Variants in SPCS1 observed in about 807,000 individuals in gnomAD.
SPCS1 encodes the protein signal peptidase complex subunit 1, also known as SPase 12 kDa subunit.
A neutral mutation model predicts 16.4 loss-of-function variants in SPCS1; 10 were observed. The observed-to-expected ratio is 0.61, with a 90% CI of 0.38 to 1.03. The LOEUF (loss-of-function observed/expected upper bound fraction) is 1.03. Among genes scored for constraint, SPCS1 ranks in the 50% least tolerant of loss-of-function variants. The probability of loss-of-function intolerance (pLI) is 0.01; values close to 1 mark genes in which losing one functional copy is unlikely to be tolerated. For missense variants in SPCS1, 118 were observed against 123.8 expected (o/e 0.95, Z 0.22); for synonymous variants, 47 against 42.5 (o/e 1.10, Z -0.41).
At position 52,709,813 on chromosome 3, in the gene SPCS1, C is replaced by T. The variant is rs978625949; in HGVS notation, c.*2001C>T. On this transcript the variant is annotated 3_prime_UTR_variant, in exon 4 of 4. Transcript: ENST00000619898. ...AAGTAAAACTGATGACTCTCCAGAA[C>T]GATGTGGATTTCCAAAACATGCACG... 4.6e-5 allele frequency: 7 copies of T among 151,178 alleles called. No individual in the cohort carries two copies. The highest frequency in any genetic ancestry group is 8.8e-5 in the Non-Finnish European group (6 of 67,946). 9.4% of individuals were successfully genotyped at this position (151,178 alleles called of 1,614,324 possible).
intron 1 of SPCS1, 109 bp from the exon 2 acceptor site, chr3:52,706,535 G>A (rs1345475719): frequency 2.8e-6 from 3 of 1,067,060 alleles, no homozygotes; most frequent in African/African-American, 3.2e-5. Flanking sequence ...TTAGGAGAGC[G>A]GGAGACCCTG....
intron 3 of SPCS1, chr3:52,707,285 T>A (rs1052919364): frequency 4.9e-6 from 1 of 204,852 alleles, no homozygotes; most frequent in African/African-American, 2.4e-5. Flanking sequence ...TTTTCCTGCC[T>A]CAGCCTCCCG....
Position 52,709,274 on chromosome 3 carries a change from G to A in SPCS1, c.*1462G>A, listed in dbSNP as rs1315609036. 7 of 151,786 alleles carry A rather than the reference G, an allele frequency of 4.6e-5. No individual in the cohort carries two copies. In the South Asian group the frequency reaches 8.3e-4, roughly 18 times the overall value. 9.4% of individuals were successfully genotyped at this position (151,786 alleles called of 1,614,324 possible). ...CTGAACTGTGGCCAAAGGTATATTC[G>A]GAAGAAAATTCACAGTCTTAAAGAT... is the stretch of plus-strand genomic sequence containing the variant. On this transcript the variant is annotated 3_prime_UTR_variant, in exon 4 of 4. Transcript: ENST00000619898.
chr3:52,709,716 AAAAAAAGAT>A lies in SPCS1; in HGVS notation c.*1906_*1914del, dbSNP rs993508897. The A allele has an allele frequency of 3.3e-5, 5 of 150,952 alleles. No individual in the cohort carries two copies. Among genetic ancestry groups the A allele is most frequent in the African/African-American group, 1.2e-4 (5 of 41,136 alleles). 9.4% of individuals were successfully genotyped at this position (150,952 alleles called of 1,614,324 possible). A position where few individuals can be genotyped will look rare whatever the true frequency, so the allele number is the denominator to read the frequency against. ...ACCCTGTCTCAAAAAAAAAAAAAAA[AAAAAAAGAT>A]ATGGGTGAGATTCCTTTAATTCTAA... On this transcript the variant is annotated 3_prime_UTR_variant, in exon 4 of 4. Transcript: ENST00000619898.
rs1365705263 is a variant in SPCS1 at position 52,706,178 on chromosome 3, C to T, written c.-69C>T. The T allele has an allele frequency of 1.9e-6, 3 of 1,549,870 alleles. No homozygotes were observed. The highest frequency in any genetic ancestry group is 2.4e-5 in the East Asian group (1 of 41,622). The stretch of plus-strand genomic sequence containing the variant: ...GTGCCAGACCTTACCCCTCACGGTC[C>T]TTAAGTCTCGGTCGCCCTCGCCTCG... On this transcript the variant is annotated 5_prime_UTR_variant, in exon 1 of 4. Transcript: ENST00000619898.
At position 52,709,341 on chromosome 3, in the gene SPCS1, G is replaced by A. The variant is rs1471254337; in HGVS notation, c.*1529G>A. On this transcript the variant is annotated 3_prime_UTR_variant, in exon 4 of 4. Transcript: ENST00000619898. Reference sequence around the variant, plus strand: ...TTAGGAAGATGAATTAAGCACTCAAGTAAAAACGATAAAAGTGGGAAGAAA... The same window carrying A: ...TTAGGAAGATGAATTAAGCACTCAAATAAAAACGATAAAAGTGGGAAGAAA... 3 of 152,202 alleles carry A rather than the reference G, an allele frequency of 2.0e-5. No individual in the cohort carries two copies. In the East Asian group the frequency reaches 5.8e-4, roughly 29 times the overall value. The allele number at this position is 152,202 out of a possible 1,614,324, so 9.4% of individuals were successfully genotyped here.
At chr3:52,706,537 G>A (rs886899778) in intron 1 of SPCS1, 107 bp from the exon 2 acceptor site, 1 of 1,085,684 alleles carries the variant, frequency 9.2e-7, no homozygotes, top group Non-Finnish European at 1.4e-6. Flanking sequence ...AGGAGAGCGG[G>A]AGACCCTGAT....
In SPCS1 at chr3:52,709,837, C is replaced by G. The variant is rs956176522; in HGVS notation, c.*2025C>G. 6 of 151,758 alleles carry G rather than the reference C, an allele frequency of 4.0e-5. No individual in the cohort carries two copies. Among genetic ancestry groups the G allele is most frequent in the African/African-American group, 1.5e-4 (6 of 41,264 alleles). 9.4% of individuals were successfully genotyped at this position (151,758 alleles called of 1,614,324 possible). A position where few individuals can be genotyped will look rare whatever the true frequency, so the allele number is the denominator to read the frequency against. ...ACGATGTGGATTTCCAAAACATGCA[C>G]GGAAAGGTGAATAGCTCAAGGATAC... is the stretch of plus-strand genomic sequence containing the variant. On this transcript the variant is annotated 3_prime_UTR_variant, in exon 4 of 4. Transcript: ENST00000619898.
In SPCS1 at chr3:52,707,894, C is replaced by T; in HGVS notation, c.*82C>T. ...ATACCCCAGATAAGAGCTAAAACCA[C>T]CTAATGCTCTTATGGCACAGCTGTG... On this transcript the variant is annotated 3_prime_UTR_variant, in exon 4 of 4. Coordinates refer to ENST00000619898, the MANE Select transcript of SPCS1 (RefSeq NM_014041.5). 1.3e-6 allele frequency: 2 copies of T among 1,514,390 alleles called. No individual in the cohort carries two copies. The highest frequency in any genetic ancestry group is 1.8e-6 in the Non-Finnish European group (2 of 1,094,974). 93.8% of individuals were successfully genotyped at this position (1,514,390 alleles called of 1,614,324 possible). A position where few individuals can be genotyped will look rare whatever the true frequency, so the allele number is the denominator to read the frequency against.
chr3:52,707,484 T>C lies in SPCS1; in HGVS notation c.184-203T>C, dbSNP rs1456094028. 3 of 504,412 alleles carry C rather than the reference T, an allele frequency of 5.9e-6. No homozygotes were observed. In the Admixed American group the frequency reaches 1.0e-4, roughly 18 times the overall value. 31.2% of individuals were successfully genotyped at this position (504,412 alleles called of 1,614,324 possible). The stretch of plus-strand genomic sequence containing the variant: ...ACCTTTCTTTTAGGTCTTAAAGCCA[T>C]TTGTATAGGCAGTGAGCCTGTTCCC... On this transcript the variant is annotated intron_variant, in intron 3 of 3. Coordinates refer to ENST00000619898, the MANE Select transcript of SPCS1 (RefSeq NM_014041.5).
Position 52,707,924 on chromosome 3 carries a change from G to C in SPCS1, c.*112G>C. The C allele has an allele frequency of 7.5e-7, 1 of 1,327,038 alleles. No individual in the cohort carries two copies. The highest frequency in any genetic ancestry group is 1.1e-6 in the Non-Finnish European group (1 of 950,090). The allele number at this position is 1,327,038 out of a possible 1,614,324, so 82.2% of individuals were successfully genotyped here. A position where few individuals can be genotyped will look rare whatever the true frequency, so the allele number is the denominator to read the frequency against. On this transcript the variant is annotated 3_prime_UTR_variant, in exon 4 of 4. Transcript: ENST00000619898. ...TGCTCTTATGGCACAGCTGTGTATA[G>C]ATTTAGTTCTCTTTATACTTCATTT... is the stretch of plus-strand genomic sequence containing the variant.
rs535887135 is a variant in SPCS1 at position 52,706,156 on chromosome 3, C to T, written c.-91C>T. 5 of 1,543,544 alleles carry T rather than the reference C, an allele frequency of 3.2e-6. No homozygotes were observed. The highest frequency in any genetic ancestry group is 2.7e-5 in the African/African-American group (2 of 73,122). On this transcript the variant is annotated 5_prime_UTR_variant, in exon 1 of 4. Transcript: ENST00000619898. Reference sequence around the variant, plus strand: ...AAGGCCCGGCTACTGACGCGCAGTGCCAGACCTTACCCCTCACGGTCCTTA... The same window carrying T: ...AAGGCCCGGCTACTGACGCGCAGTGTCAGACCTTACCCCTCACGGTCCTTA...
intron 1 of SPCS1, 40 bp downstream of exon 1, chr3:52,706,322 T>G: frequency 6.3e-7 from 1 of 1,578,204 alleles, no homozygotes; most frequent in South Asian, 1.1e-5. Flanking sequence ...GCCGTTCTTG[T>G]GCCTGGCAGC....
chr3:52,706,338 A>G (rs2097344706), intron 1 of SPCS1, 56 bp downstream of exon 1: 7 of 1,553,982 alleles, frequency 4.5e-6, no homozygotes, highest in Non-Finnish European at 6.1e-6. Flanking sequence ...GCAGCTTCGA[A>G]GCCCATGTTG....
At chr3:52,707,105 C>A (rs2097345388) in intron 3 of SPCS1, 1 of 534,256 alleles carries the variant, frequency 1.9e-6, no homozygotes, top group Non-Finnish European at 3.3e-6. Context: ...GGCTAATAAT[C>A]TTAAGGTCAA....
rs2097346817 is a variant in SPCS1, at chr3:52,708,516, TAATTA to T, written c.*707_*711del. The T allele has an allele frequency of 6.6e-6, 1 of 152,220 alleles. No individual in the cohort carries two copies. Among genetic ancestry groups the T allele is most frequent in the East Asian group, 1.9e-4 (1 of 5,204 alleles). 9.4% of individuals were successfully genotyped at this position (152,220 alleles called of 1,614,324 possible). On this transcript the variant is annotated 3_prime_UTR_variant, in exon 4 of 4. Coordinates refer to ENST00000619898, the MANE Select transcript of SPCS1 (RefSeq NM_014041.5). Reference sequence around the variant, plus strand: ...TATGGTGCCACTAGACACGTCTATTTAATTAAAATTAAAATATAAAACTCTAAAAC... The same window carrying T: ...TATGGTGCCACTAGACACGTCTATTTAAATTAAAATATAAAACTCTAAAAC...
Position 52,707,705 on chromosome 3 carries a change from C to G in SPCS1, c.202C>G (p.Pro68Ala). The G allele has an allele frequency of 6.2e-7, 1 of 1,613,934 alleles. No homozygotes were observed. Among genetic ancestry groups the G allele is most frequent in the Non-Finnish European group, 8.5e-7 (1 of 1,179,906 alleles). The change falls in exon 4 of 4, where the codon CCC becomes GCC. Residue 68 changes from proline to alanine, a missense_variant. Transcript: ENST00000619898. ...FSCLLTLPPW[P>A]IYRRHPLKWL... is the part of the protein sequence containing the mutation. ...GGCCCAGCTGACACTTCCTCCATGGCCCATCTATCGCCGGCATCCTCTCAA... is the reference window on the plus strand; with the variant it reads ...GGCCCAGCTGACACTTCCTCCATGGGCCATCTATCGCCGGCATCCTCTCAA...
In SPCS1 at chr3:52,707,928, T is replaced by C. The variant is rs923896738; in HGVS notation, c.*116T>C. 6 of 1,283,766 alleles carry C rather than the reference T, an allele frequency of 4.7e-6. No individual in the cohort carries two copies. The highest frequency in any genetic ancestry group is 1.5e-5 in the African/African-American group (1 of 67,378). The allele number at this position is 1,283,766 out of a possible 1,614,324, so 79.5% of individuals were successfully genotyped here. ...CTTATGGCACAGCTGTGTATAGATT[T>C]AGTTCTCTTTATACTTCATTTCTAG... On this transcript the variant is annotated 3_prime_UTR_variant, in exon 4 of 4. Coordinates refer to ENST00000619898, the MANE Select transcript of SPCS1 (RefSeq NM_014041.5).
chr3:52,707,620 A>T (rs1245934033), intron 3 of SPCS1, 67 bp from the exon 4 acceptor site: 1 of 1,542,438 alleles, frequency 6.5e-7, no homozygotes, highest in Non-Finnish European at 8.8e-7. Context: ...GGAACCTGGC[A>T]TTATACGTAA....
Sources: gnomAD v4.1 joint callset for allele counts on GRCh38, gnomAD v4.1.1 for gene constraint, MANE v1.5 for transcripts, NCBI Gene and HGNC (gene_info 2026-07-23, HGNC 2026-07-21) for gene names.